PCDH15: variants seen among roughly 807,000 people sequenced by gnomAD.
PCDH15 encodes protocadherin-15.
PCDH15 carries 129 observed loss-of-function variants against 178.5 expected under a neutral mutation model. That is an observed-to-expected ratio of 0.72 (90% confidence interval 0.63 to 0.84). The LOEUF (loss-of-function observed/expected upper bound fraction) is 0.84, where lower values mean the gene tolerates loss of function less well. Among genes scored for constraint, PCDH15 ranks in the 40% least tolerant of loss-of-function variants. PCDH15 has a pLI of 0.00. For synonymous variants in PCDH15, 800 were observed against 732.0 expected, an observed-to-expected ratio of 1.09 and a Z score of -1.50; for missense variants, 2,230 against 2,099.9, an observed-to-expected ratio of 1.06 and a Z score of -1.21.
intron 15 of PCDH15, among the ~76,000 whole-genome samples, chr10:54,100,464 A>G (rs1379960338): frequency 6.6e-6 from 1 of 152,200 alleles, no homozygotes; most frequent in East Asian, 1.9e-4. Context: ...TCTTTCACTT[A>G]TAAGCCACAT....
At chr10:55,454,894 A>G (rs1216043286) in intron 2 of PCDH15, among the ~76,000 whole-genome samples, 3 of 151,888 alleles carry the variant, frequency 2.0e-5, no homozygotes, top group Admixed American at 6.6e-5. Context: ...GCTTTTCCTG[A>G]GTTTTATTAC....
chr10:55,445,188 T>C (rs1226556017), intron 2 of PCDH15, among the ~76,000 whole-genome samples: 1 of 152,156 alleles, frequency 6.6e-6, no homozygotes. Flanking sequence ...TCTCTCTGCT[T>C]TTTCTTTCTT....
chr10:54,679,073 C>T (rs1443931134), intron 1 of PCDH15, among the ~76,000 whole-genome samples: 1 of 151,124 alleles, frequency 6.6e-6, no homozygotes, highest in Non-Finnish European at 1.5e-5. Context: ...GCCTGTAGTC[C>T]CAGCTACTTG....
rs10763071 is a variant in PCDH15, at chr10:54,114,807, G to T, written c.1917+18068C>A. 5.9e-5 allele frequency among the ~76,000 whole-genome samples: 9 copies of T among 151,808 alleles called. No individual in the cohort carries two copies. In the South Asian group the frequency reaches 6.2e-4, roughly 10 times the overall value. On this transcript the variant is annotated intron_variant, in intron 15 of 37. Coordinates refer to ENST00000644397, the MANE Select transcript of PCDH15 (RefSeq NM_001384140.1). ...GAAATAGCAAGTGAACGGTTCCAGA[G>T]GTAGGAATCACTCAGTGTTCCAGGA...
At position 53,968,186 on chromosome 10, in the gene PCDH15, G is replaced by A. The variant is rs548230703; in HGVS notation, c.2869-6294C>T. Reference sequence around the variant, plus strand: ...CGCTTTTCCAACAGTCTTAGCAAACGGCCCACCAGGAGATTATATCCCACG... The same window carrying A: ...CGCTTTTCCAACAGTCTTAGCAAACAGCCCACCAGGAGATTATATCCCACG... On this transcript the variant is annotated intron_variant, in intron 21 of 37. Transcript: ENST00000644397. Among the ~76,000 whole-genome samples the A allele has an allele frequency of 4.6e-5, 7 of 152,226 alleles. No homozygotes were observed. In the East Asian group the frequency reaches 9.7e-4, roughly 21 times the overall value.
At chr10:54,744,989 A>G (rs1945270166) in intron 1 of PCDH15, among the ~76,000 whole-genome samples, 1 of 152,132 alleles carries the variant, frequency 6.6e-6, no homozygotes, top group Non-Finnish European at 1.5e-5. Flanking sequence ...ACCAGTCTTA[A>G]CAAAGAATTT....
In PCDH15 at chr10:55,564,829, A is replaced by G. The variant is rs145812147; in HGVS notation, c.-156+62796T>C. 4.0e-4 allele frequency among the ~76,000 whole-genome samples: 60 copies of G among 151,888 alleles called. No homozygotes were observed. In the East Asian group the frequency reaches 0.011, roughly 28 times the overall value. On this transcript the variant is annotated intron_variant, in intron 2 of 5. Coordinates refer to the PCDH15 transcript ENST00000613346. ...CCAAGAAGCTATAATAAATATCAACATGTACATAACAGACTATTAGAAGGA... is the reference window on the plus strand; with the variant it reads ...CCAAGAAGCTATAATAAATATCAACGTGTACATAACAGACTATTAGAAGGA...
intron 1 of PCDH15, among the ~76,000 whole-genome samples, chr10:54,735,382 G>T (rs1194227284): frequency 1.3e-5 from 2 of 152,060 alleles, no homozygotes; most frequent in Admixed American, 6.6e-5. Flanking sequence ...GGCCAGTGAT[G>T]ATGAGCACTT....
At chr10:54,713,183 GC>G (rs2095443365) in intron 1 of PCDH15, among the ~76,000 whole-genome samples, 1 of 151,338 alleles carries the variant, frequency 6.6e-6, no homozygotes, top group Admixed American at 6.6e-5. Flanking sequence ...CATAGATGTG[GC>G]TGTTTGTAAC....
At chr10:55,010,716 A>G (rs1317372843) in intron 2 of PCDH15, among the ~76,000 whole-genome samples, 1 of 152,206 alleles carries the variant, frequency 6.6e-6, no homozygotes, top group African/African-American at 2.4e-5. Context: ...TTCAAAGGAA[A>G]TAACAGAATA....
At chr10:55,626,694 C>T (rs1837536746) in intron 2 of PCDH15, among the ~76,000 whole-genome samples, 1 of 152,102 alleles carries the variant, frequency 6.6e-6, no homozygotes, top group South Asian at 2.1e-4. Context: ...TCATGTAATT[C>T]CTGTTATTAG....
intron 2 of PCDH15, among the ~76,000 whole-genome samples, chr10:54,980,581 C>T (rs942067859): frequency 2.6e-5 from 4 of 151,992 alleles, no homozygotes; most frequent in Non-Finnish European, 5.9e-5. Flanking sequence ...ATTTTTAACT[C>T]TCATTTTGAC....
intron 2 of PCDH15, among the ~76,000 whole-genome samples, chr10:55,447,621 T>C (rs1839346154): frequency 6.6e-6 from 1 of 151,952 alleles, no homozygotes; most frequent in Non-Finnish European, 1.5e-5. Context: ...ACAAAATAGA[T>C]TCCCTGCAAA....
intron 2 of PCDH15, among the ~76,000 whole-genome samples, chr10:55,155,385 A>G (rs1838854268): frequency 6.6e-6 from 1 of 151,744 alleles, no homozygotes. Context: ...AAAACTGAAG[A>G]GAAGAATGGG....
intron 2 of PCDH15, among the ~76,000 whole-genome samples, chr10:55,538,480 C>CCCTTCCTTCCTCCTTT: frequency 1.0e-5 from 1 of 98,060 alleles, no homozygotes; most frequent in Non-Finnish European, 2.0e-5. Flanking sequence ...CTCCCTTCCT[C>CCCTTCCTTCCTCCTTT]CCTTCCTTCC....
intron 14 of PCDH15, among the ~76,000 whole-genome samples, chr10:54,141,908 G>A (rs2043447060): frequency 6.6e-6 from 1 of 151,992 alleles, no homozygotes. Context: ...ATTATTATGT[G>A]GTTTTCACTT....
intron 23 of PCDH15, among the ~76,000 whole-genome samples, chr10:53,959,238 TACAC>T (rs1256551364): frequency 2.1e-5 from 3 of 141,046 alleles, no homozygotes; most frequent in East Asian, 2.0e-4. Flanking sequence ...TATATATAAA[TACAC>T]ACACTACATT....
chr10:54,134,386 A>G (rs375408905), intron 14 of PCDH15, among the ~76,000 whole-genome samples: 15 of 152,166 alleles, frequency 9.9e-5, no homozygotes, highest in African/African-American at 3.6e-4. Flanking sequence ...AAGATGCTTC[A>G]ATTAAAAGAC....
intron 3 of PCDH15, among the ~76,000 whole-genome samples, chr10:54,863,518 GGT>G: frequency 6.6e-6 from 1 of 152,170 alleles, no homozygotes; most frequent in Non-Finnish European, 1.5e-5. Context: ...CTCCAGCCTG[GGT>G]GCCAGAGCGA....
Sources: allele counts gnomAD v4.1 joint callset (sites outside exome capture counted in the v4.1 genomes callset), GRCh38; gene constraint gnomAD v4.1.1; transcripts MANE v1.5; gene names NCBI Gene and HGNC (gene_info 2026-07-23, HGNC 2026-07-21).